Variants in CFI observed in about 807,000 individuals in gnomAD.
The protein encoded by CFI is complement factor I.
In CFI, 66 loss-of-function variants were observed where a neutral mutation model predicts 78.8. The observed-to-expected ratio is 0.84, with a 90% CI of 0.69 to 1.03. The LOEUF (loss-of-function observed/expected upper bound fraction) is 1.03. Among genes scored for constraint, CFI ranks in the 50% least tolerant of loss-of-function variants. The pLI is 0.00. For synonymous variants in CFI, 250 were observed against 232.6 expected, an observed-to-expected ratio of 1.07 and a Z score of -0.68; for missense variants, 706 against 704.5, an observed-to-expected ratio of 1.00 and a Z score of -0.02.
chr4:109,760,835 A>G (rs1726963161), intron 4 of CFI, among the ~76,000 whole-genome samples, 199 bp from the exon 5 acceptor site: 2 of 152,204 alleles, frequency 1.3e-5, no homozygotes, highest in Admixed American at 6.5e-5. Flanking sequence ...AGGCTCTTCT[A>G]TTATCTCTGA....
At chr4:109,790,603 T>C (rs575208366) in intron 1 of CFI, among the ~76,000 whole-genome samples, 8 of 152,222 alleles carry the variant, frequency 5.3e-5, no homozygotes, top group African/African-American at 1.7e-4. Context: ...CTCCATCTTC[T>C]AATAGGCCCA....
intron 1 of CFI, among the ~76,000 whole-genome samples, chr4:109,791,927 G>T (rs140522672): frequency 7.9e-5 from 12 of 152,032 alleles, no homozygotes; most frequent in African/African-American, 2.2e-4. Flanking sequence ...TTTGACCATT[G>T]GTTGCTTAAG....
chr4:109,771,981 C>T (rs948154027), intron 1 of CFI, among the ~76,000 whole-genome samples: 6 of 152,086 alleles, frequency 3.9e-5, no homozygotes, highest in African/African-American at 9.7e-5. Context: ...AATCAGAGCA[C>T]GGTGAAGTTC....
At position 109,764,522 on chromosome 4, in the gene CFI, GAT is replaced by G. The variant is rs34113271; in HGVS notation, c.482+13_482+14del. 1.4e-5 allele frequency: 22 copies of G among 1,613,824 alleles called. No individual in the cohort carries two copies. Among genetic ancestry groups the G allele is most frequent in the Admixed American group, 5.0e-5 (3 of 60,014 alleles). ...TAAATCAGCCATGAGAAAATCCACT[GAT>G]ACAAGCGCTCACTGTTGAAACCCAA... On this transcript the variant is annotated intron_variant, in intron 3 of 12. Coordinates refer to ENST00000394634, the MANE Select transcript of CFI (RefSeq NM_000204.5).
At chr4:109,768,897 C>T (rs1728202889) in intron 1 of CFI, among the ~76,000 whole-genome samples, 1 of 151,904 alleles carries the variant, frequency 6.6e-6, no homozygotes, top group Non-Finnish European at 1.5e-5. Flanking sequence ...TAGCTTTACA[C>T]ACACACACAC....
intron 7 of CFI, among the ~76,000 whole-genome samples, chr4:109,753,891 A>ATAATGTATAATTTTATATTATATATTATC (rs1561294706): frequency 2.5e-4 from 2 of 7,934 alleles, no homozygotes; most frequent in African/African-American, 7.6e-4. Context: ...TATATATTAT[A>ATAATGTATAATTTTATATTATATATTATC]TAATGTATAA....
At chr4:109,746,777 T>C (rs1371925397) in intron 10 of CFI, among the ~76,000 whole-genome samples, 1 of 152,006 alleles carries the variant, frequency 6.6e-6, no homozygotes, top group Non-Finnish European at 1.5e-5. Context: ...GTGGAATGAG[T>C]TTGCTGCCTC....
rs1285750935 is a variant in CFI at position 109,753,015 on chromosome 4, AT to A, written c.905-513del. On this transcript the variant is annotated intron_variant, in intron 7 of 12. Transcript: ENST00000394634. ...TATAATATATATTTATTATATATTT[AT>A]TATATAAATAAATATTTATAATATA... 1.6e-3 allele frequency among the ~76,000 whole-genome samples: 173 copies of A among 105,364 alleles called. 1 individual carries two copies. Among genetic ancestry groups the A allele is most frequent in the African/African-American group, 5.2e-3 (139 of 26,810 alleles). 69.1% of individuals were successfully genotyped at this position (105,364 alleles called of 152,430 possible).
chr4:109,752,384 G>C, intron 8 of CFI, 84 bp downstream of exon 8: 1 of 1,191,302 alleles, frequency 8.4e-7, no homozygotes, highest in Non-Finnish European at 1.2e-6. Flanking sequence ...CTTGTTGCTT[G>C]AATCAATTAT....
chr4:109,792,421 C>T (rs1731495937), intron 1 of CFI, among the ~76,000 whole-genome samples: 2 of 152,166 alleles, frequency 1.3e-5, no homozygotes, highest in African/African-American at 4.8e-5. Context: ...ACTAAAAATA[C>T]ACAAATTAGC....
intron 1 of CFI, among the ~76,000 whole-genome samples, chr4:109,798,520 T>TTTTA (rs1553919320): frequency 2.0e-5 from 3 of 150,934 alleles, no homozygotes; most frequent in Non-Finnish European, 4.4e-5. Context: ...TTTTTTTTTT[T>TTTTA]AAAAAGACCA....
the CFI span, among the ~76,000 whole-genome samples, chr4:109,731,936 T>G: frequency 6.6e-6 from 1 of 152,218 alleles, no homozygotes; most frequent in Non-Finnish European, 1.5e-5. Context: ...CTTAGCTTTC[T>G]GGAACATTGG....
chr4:109,789,054 G>C (rs1463298666), intron 1 of CFI, among the ~76,000 whole-genome samples: 1 of 151,470 alleles, frequency 6.6e-6, no homozygotes, highest in Non-Finnish European at 1.5e-5. Context: ...GAACTTCTAG[G>C]GATAAAAACT....
At position 109,761,455 on chromosome 4, in the gene CFI, G is replaced by A. The variant is rs184063397; in HGVS notation, c.658+62C>T. The A allele has an allele frequency of 1.7e-5, 25 of 1,467,618 alleles. No homozygotes were observed. The East Asian group carries it at 5.4e-4, about 32-fold the overall frequency. 90.9% of individuals were successfully genotyped at this position (1,467,618 alleles called of 1,614,324 possible). A position where few individuals can be genotyped will look rare whatever the true frequency, so the allele number is the denominator to read the frequency against. On this transcript the variant is annotated intron_variant, in intron 4 of 12. Transcript: ENST00000394634. ...AGGCATCAATCATTTGTTTACTATA[G>A]GCTTGGTGTAAAATAAACAACCTTC...
intron 1 of CFI, among the ~76,000 whole-genome samples, chr4:109,784,380 G>T (rs1730487241): frequency 6.6e-6 from 1 of 152,002 alleles, no homozygotes; most frequent in South Asian, 2.1e-4. Context: ...GAGAAATGGG[G>T]TGATAGTTGG....
At chr4:109,790,335 T>C (rs1418304826) in intron 1 of CFI, among the ~76,000 whole-genome samples, 1 of 152,128 alleles carries the variant, frequency 6.6e-6, no homozygotes, top group Non-Finnish European at 1.5e-5. Context: ...TTTTTTCTTC[T>C]AGCTTTGGGT....
At chr4:109,764,254 G>A (rs1727447347) in intron 3 of CFI, 1 of 476,954 alleles carries the variant, frequency 2.1e-6, no homozygotes, top group Non-Finnish European at 3.8e-6. Flanking sequence ...TTGTAGACGA[G>A]TAGGAGACAG....
chr4:109,764,165 TATAAAC>T (rs1303389402), intron 3 of CFI, among the ~76,000 whole-genome samples: 14 of 151,344 alleles, frequency 9.3e-5, no homozygotes, highest in African/African-American at 1.9e-4. Context: ...TAGTTTATAG[TATAAAC>T]TATATTATAT....
intron 1 of CFI, among the ~76,000 whole-genome samples, chr4:109,772,523 A>T (rs942655064): frequency 1.3e-5 from 2 of 152,154 alleles, no homozygotes; most frequent in Non-Finnish European, 1.5e-5. Flanking sequence ...ACAGATTAAA[A>T]TAACAACTAC....
Sources: gnomAD v4.1 joint callset for allele counts (sites outside exome capture counted in the v4.1 genomes callset) on GRCh38, gnomAD v4.1.1 for gene constraint, MANE v1.5 for transcripts, NCBI Gene and HGNC (gene_info 2026-07-23, HGNC 2026-07-21) for gene names.